SEMA3A: variants seen among roughly 807,000 people sequenced by gnomAD.
SEMA3A encodes the protein semaphorin-3A.
In SEMA3A, 29 loss-of-function variants were observed where a neutral mutation model predicts 97.9. The ratio of observed to expected loss-of-function variants is 0.30; its 90% CI spans 0.22 to 0.40. The LOEUF is 0.40. Ranked by LOEUF, SEMA3A falls within the 10% of genes least tolerant of loss-of-function variation. The pLI, the probability that SEMA3A is intolerant of heterozygous loss-of-function variation, is 1.00. For missense variants in SEMA3A, 763 were observed against 951.3 expected (o/e 0.80, Z 2.60); for synonymous variants, 321 against 323.7 (o/e 0.99, Z 0.09).
At chr7:84,416,440 A>C (rs1222355447) in intron 1 of SEMA3A, among the ~76,000 whole-genome samples, 1 of 152,080 alleles carries the variant, frequency 6.6e-6, no homozygotes, top group African/African-American at 2.4e-5. Flanking sequence ...GCAGTGTGAA[A>C]ATGGACTAAT....
intron 15 of SEMA3A, among the ~76,000 whole-genome samples, chr7:83,965,274 G>A (rs1788626268): frequency 1.3e-5 from 2 of 151,690 alleles, no homozygotes; most frequent in African/African-American, 4.8e-5. Flanking sequence ...ATACTTTTAG[G>A]AGGAGACCTT....
chr7:84,192,920 TAG>T (rs929675003), intron 1 of SEMA3A, among the ~76,000 whole-genome samples: 1 of 152,040 alleles, frequency 6.6e-6, no homozygotes, highest in Admixed American at 6.6e-5. Flanking sequence ...ACCATCAACT[TAG>T]ACTTATTTGA....
At chr7:84,388,493 C>A (rs988374287) in intron 1 of SEMA3A, among the ~76,000 whole-genome samples, 1 of 151,850 alleles carries the variant, frequency 6.6e-6, no homozygotes, top group Non-Finnish European at 1.5e-5. Flanking sequence ...TGAATAAATT[C>A]TTTAAAAAAT....
intron 1 of SEMA3A, among the ~76,000 whole-genome samples, chr7:84,186,840 TA>T (rs1797902617): frequency 6.6e-6 from 1 of 151,982 alleles, no homozygotes; most frequent in South Asian, 2.1e-4. Flanking sequence ...ATAAGTGGCC[TA>T]AGGAAATTAG....
At chr7:84,294,873 T>C (rs1469372157) in intron 3 of SEMA3A, among the ~76,000 whole-genome samples, 1 of 152,060 alleles carries the variant, frequency 6.6e-6, no homozygotes, top group Non-Finnish European at 1.5e-5. Context: ...TGCTCAATCT[T>C]GAAATCTTTT....
intron 2 of SEMA3A, among the ~76,000 whole-genome samples, chr7:84,310,938 A>G (rs1801298705): frequency 6.6e-6 from 1 of 151,786 alleles, no homozygotes; most frequent in African/African-American, 2.4e-5. Context: ...AAACAAATCA[A>G]TTAAGGTTTA....
chr7:84,066,112 T>C (rs10249243), intron 4 of SEMA3A, among the ~76,000 whole-genome samples: 59,130 of 150,272 alleles, frequency 0.39, 13,476 homozygotes, highest in African/African-American at 0.62. Context: ...AAGGCTGGTT[T>C]AATATACGCG....
At chr7:84,002,899 T>G (rs1337989694) in intron 11 of SEMA3A, among the ~76,000 whole-genome samples, 1 of 152,176 alleles carries the variant, frequency 6.6e-6, no homozygotes, top group Non-Finnish European at 1.5e-5. Context: ...TAAGTTGGGC[T>G]TAAAAGTTAT....
intron 3 of SEMA3A, among the ~76,000 whole-genome samples, chr7:84,282,620 AAT>A (rs1468239394): frequency 6.6e-6 from 1 of 152,108 alleles, no homozygotes; most frequent in African/African-American, 2.4e-5. Flanking sequence ...CTAAAGAAAA[AAT>A]ATTTTCATTT....
intron 16 of SEMA3A, 46 bp from the exon 17 acceptor site, chr7:83,961,872 G>T (rs1245322182): frequency 7.1e-7 from 1 of 1,407,846 alleles, no homozygotes; most frequent in Non-Finnish European, 9.8e-7. Context: ...ATATTTAAAA[G>T]AAATAGAAGC....
intron 12 of SEMA3A, among the ~76,000 whole-genome samples, chr7:84,001,716 T>C (rs1314613300): frequency 6.6e-6 from 1 of 151,806 alleles, no homozygotes; most frequent in Non-Finnish European, 1.5e-5. Context: ...GTAAATAATA[T>C]ATTTTATCAT....
chr7:84,321,083 C>A (rs927874164), intron 2 of SEMA3A, among the ~76,000 whole-genome samples: 1 of 152,076 alleles, frequency 6.6e-6, no homozygotes, highest in East Asian at 1.9e-4. Flanking sequence ...TGATTACAAT[C>A]ACAGTTTTCG....
chr7:84,404,806 T>C (rs1175609951), intron 1 of SEMA3A, among the ~76,000 whole-genome samples: 2 of 151,774 alleles, frequency 1.3e-5, no homozygotes, highest in South Asian at 2.1e-4. Flanking sequence ...GCTTCATAAG[T>C]GAAGGAGAAA....
At chr7:84,134,555 T>C (rs1796064603) in intron 2 of SEMA3A, among the ~76,000 whole-genome samples, 2 of 152,208 alleles carry the variant, frequency 1.3e-5, no homozygotes, top group African/African-American at 4.8e-5. Flanking sequence ...TATGAAAGGG[T>C]AAGCTGAAGT....
At chr7:84,210,539 CA>C (rs35930560) in intron 3 of SEMA3A, among the ~76,000 whole-genome samples, 2 of 152,090 alleles carry the variant, frequency 1.3e-5, no homozygotes, top group African/African-American at 4.8e-5. Context: ...GGGGCCTAAT[CA>C]AAAAGCATTG....
At chr7:84,057,842 C>T (rs1025538676) in intron 5 of SEMA3A, among the ~76,000 whole-genome samples, 69 of 152,000 alleles carry the variant, frequency 4.5e-4, no homozygotes, top group Non-Finnish European at 1.5e-4. Context: ...AAGGAGATTG[C>T]AAAATTAACT....
intron 1 of SEMA3A, among the ~76,000 whole-genome samples, chr7:84,177,740 A>G (rs990704619): frequency 1.3e-5 from 2 of 152,088 alleles, no homozygotes; most frequent in African/African-American, 4.8e-5. Context: ...ATTTATTTTT[A>G]AGGAAAGTTT....
chr7:84,295,602 T>C (rs1800848698), intron 3 of SEMA3A, among the ~76,000 whole-genome samples: 1 of 152,026 alleles, frequency 6.6e-6, no homozygotes, highest in Non-Finnish European at 1.5e-5. Flanking sequence ...CTTAAATAAA[T>C]TATGCAGAAC....
intron 3 of SEMA3A, among the ~76,000 whole-genome samples, chr7:84,258,059 T>A (rs754220788): frequency 2.8e-4 from 43 of 152,300 alleles, no homozygotes; most frequent in Middle Eastern, 6.8e-3. Flanking sequence ...GAGATTCAGG[T>A]CATTGTCTTC....
Sources: allele counts gnomAD v4.1 joint callset (sites outside exome capture counted in the v4.1 genomes callset), GRCh38; gene constraint gnomAD v4.1.1; transcripts MANE v1.5; gene names NCBI Gene and HGNC (gene_info 2026-07-23, HGNC 2026-07-21).